The following DPP4 variants were observed in gnomAD, a reference collection of about 807,000 sequenced individuals.
DPP4 encodes ADCP-2.
A neutral mutation model predicts 122.4 loss-of-function variants in DPP4; 93 were observed. That is an observed-to-expected ratio of 0.76 (90% CI 0.64 to 0.90). The LOEUF is 0.90. Among genes scored for constraint, DPP4 ranks in the 40% least tolerant of loss-of-function variants. The pLI is 0.00. For missense variants in DPP4, 914 were observed against 907.3 expected (o/e 1.01, Z -0.09); for synonymous variants, 321 against 302.9 (o/e 1.06, Z -0.62).
intron 21 of DPP4, 121 bp from the exon 22 acceptor site, chr2:162,008,782 T>C (rs561284391): frequency 4.6e-6 from 4 of 864,702 alleles, no homozygotes; most frequent in African/African-American, 3.3e-5. Flanking sequence ...ATAAAAAGCA[T>C]GGTATAGGAG....
chr2:161,994,571 C>T (rs759405668), intron 25 of DPP4, among the ~76,000 whole-genome samples: 4 of 152,214 alleles, frequency 2.6e-5, no homozygotes, highest in Non-Finnish European at 2.9e-5. Context: ...GCTAGTAATA[C>T]ATACCAGACA....
At chr2:162,039,439 A>T (rs1305700430) in intron 5 of DPP4, among the ~76,000 whole-genome samples, 1 of 152,092 alleles carries the variant, frequency 6.6e-6, no homozygotes, top group Non-Finnish European at 1.5e-5. Context: ...CAAAAATGTC[A>T]TTTTGTACAA....
At chr2:162,049,583 G>T (rs1339499894) in intron 2 of DPP4, among the ~76,000 whole-genome samples, 1 of 152,010 alleles carries the variant, frequency 6.6e-6, no homozygotes, top group Non-Finnish European at 1.5e-5. Context: ...AACCACCATG[G>T]CACATGTTTA....
intron 9 of DPP4, among the ~76,000 whole-genome samples, chr2:162,034,674 C>T (rs986385448): frequency 1.3e-5 from 2 of 152,120 alleles, no homozygotes; most frequent in Admixed American, 6.5e-5. Context: ...AAAACCAAGA[C>T]GTGACACTAT....
At chr2:162,062,654 G>A (rs935677796) in intron 2 of DPP4, among the ~76,000 whole-genome samples, 1 of 152,200 alleles carries the variant, frequency 6.6e-6, no homozygotes, top group Non-Finnish European at 1.5e-5. Context: ...CACATTCCTG[G>A]CCATATGGCC....
chr2:162,066,255 T>G (rs1332750613), intron 2 of DPP4, among the ~76,000 whole-genome samples: 1 of 152,142 alleles, frequency 6.6e-6, no homozygotes, highest in African/African-American at 2.4e-5. Context: ...CGTTTCTTTT[T>G]TTTTTTTAAA....
At chr2:162,052,985 C>A (rs543602768) in intron 2 of DPP4, among the ~76,000 whole-genome samples, 1 of 152,052 alleles carries the variant, frequency 6.6e-6, no homozygotes, top group Non-Finnish European at 1.5e-5. Flanking sequence ...CAAGGATATC[C>A]GGCAGAAGAA....
At position 162,025,079 on chromosome 2, in the gene DPP4, AT is replaced by A. The variant is rs1683275558; in HGVS notation, c.888-141del. The A allele has an allele frequency of 2.4e-5, 21 of 893,434 alleles. No homozygotes were observed. In the South Asian group the frequency reaches 3.5e-4, roughly 15 times the overall value. The allele number at this position is 893,434 out of a possible 1,614,324, so 55.3% of individuals were successfully genotyped here. On this transcript the variant is annotated intron_variant, in intron 10 of 25. Transcript: ENST00000360534. Reference sequence around the variant, plus strand: ...AGAATTATAAATGGTTAATGAAACCATTTAATATAATATTTCACCTTTTCTT... The same window carrying A: ...AGAATTATAAATGGTTAATGAAACCATTAATATAATATTTCACCTTTTCTT...
At chr2:162,004,278 C>G (rs1701225357) in intron 23 of DPP4, among the ~76,000 whole-genome samples, 1 of 151,856 alleles carries the variant, frequency 6.6e-6, no homozygotes, top group Non-Finnish European at 1.5e-5. Context: ...TAAGGGGAGA[C>G]AAATCGGGTT....
At chr2:162,024,295 G>T (rs1683239599) in intron 11 of DPP4, among the ~76,000 whole-genome samples, 1 of 152,212 alleles carries the variant, frequency 6.6e-6, no homozygotes, top group South Asian at 2.1e-4. Context: ...AACAGAGTTG[G>T]CCTCAGGATT....
chr2:162,028,072 C>A (rs6737128), intron 10 of DPP4, among the ~76,000 whole-genome samples: 47,601 of 145,470 alleles, frequency 0.33, 7,995 homozygotes, highest in East Asian at 0.65. Context: ...AAAAAAAAAA[C>A]AAAAAACTGC....
chr2:162,047,815 A>G (rs1242688128), intron 2 of DPP4, among the ~76,000 whole-genome samples: 1 of 152,190 alleles, frequency 6.6e-6, no homozygotes, highest in East Asian at 1.9e-4. Context: ...GAAGCTATAT[A>G]AGAAACAAAA....
At chr2:161,999,921 T>C (rs955690460) in intron 23 of DPP4, among the ~76,000 whole-genome samples, 5 of 152,256 alleles carry the variant, frequency 3.3e-5, no homozygotes, top group South Asian at 4.1e-4. Flanking sequence ...TATCCCATTA[T>C]CCAGATGAGG....
In DPP4 at chr2:162,024,850, T is replaced by C. The variant is rs144380286; in HGVS notation, c.977A>G (p.Asp326Gly). 7 of 1,613,758 alleles carry C rather than the reference T, an allele frequency of 4.3e-6. No individual in the cohort carries two copies. Among genetic ancestry groups the C allele is most frequent in the Admixed American group, 1.7e-5 (1 of 59,992 alleles). Residue 326 changes from aspartate (D) to glycine (G), a missense_variant, in exon 11 of 26, where the codon GAT becomes GGT. Transcript: ENST00000360534. ...ACTGGATTCATCATAGTCACAAATA[T>C]CCATGACCGAATAGTTCTGAATCCT... ...LRRIQNYSVM[D>G]ICDYDESSGR...
intron 19 of DPP4, among the ~76,000 whole-genome samples, chr2:162,012,307 A>C (rs143136030): frequency 6.6e-6 from 1 of 152,086 alleles, no homozygotes; most frequent in African/African-American, 2.4e-5. Flanking sequence ...AAGAAGGGGG[A>C]GTTGTGGTAT....
intron 19 of DPP4, among the ~76,000 whole-genome samples, chr2:162,012,823 G>A (rs1332832864): frequency 2.6e-5 from 4 of 151,934 alleles, no homozygotes; most frequent in Non-Finnish European, 5.9e-5. Flanking sequence ...TCCCTCCCCA[G>A]CCCATCTCTC....
At chr2:162,047,315 C>A in intron 3 of DPP4, 88 bp downstream of exon 3, 1 of 715,730 alleles carries the variant, frequency 1.4e-6, no homozygotes. Flanking sequence ...ACAAGGATTA[C>A]CTCTTCTCAG....
chr2:161,994,208 C>A (rs867885510), intron 25 of DPP4, among the ~76,000 whole-genome samples: 1 of 152,154 alleles, frequency 6.6e-6, no homozygotes, highest in Non-Finnish European at 1.5e-5. Flanking sequence ...AACACTGACC[C>A]AAAAGATAGC....
chr2:162,024,834 A>G lies in DPP4; in HGVS notation c.993T>C (p.Asp331=), dbSNP rs1683261812. 11 of 1,613,900 alleles carry G rather than the reference A, an allele frequency of 6.8e-6. No homozygotes were observed. The highest frequency in any genetic ancestry group is 8.5e-6 in the Non-Finnish European group (10 of 1,180,014). The change falls in exon 11 of 26, where the codon GAT becomes GAC. Residue 331 remains aspartate, a synonymous_variant. Transcript: ENST00000360534. Reference sequence around the variant, plus strand: ...AGCAGTTCCATCTTCCACTGGATTCATCATAGTCACAAATATCCATGACCG... The same window carrying G: ...AGCAGTTCCATCTTCCACTGGATTCGTCATAGTCACAAATATCCATGACCG... ...NYSVMDICDY[D]ESSGRWNCLV...
Sources: gnomAD v4.1 joint callset for allele counts (sites outside exome capture counted in the v4.1 genomes callset) on GRCh38, gnomAD v4.1.1 for gene constraint, MANE v1.5 for transcripts, NCBI Gene and HGNC (gene_info 2026-07-23, HGNC 2026-07-21) for gene names.